Variants in CHST15 observed in about 807,000 individuals in gnomAD.
The protein encoded by CHST15 is B cell RAG associated protein (GALNAC4S-6ST).
CHST15 carries 30 observed loss-of-function variants against 53.6 expected under a neutral mutation model. The observed-to-expected ratio is 0.56, with a 90% CI of 0.42 to 0.76. The LOEUF (loss-of-function observed/expected upper bound fraction) is 0.76, where lower values mean the gene tolerates loss of function less well. Ranked by LOEUF, CHST15 falls within the 30% of genes least tolerant of loss-of-function variation. CHST15 has a pLI of 0.00. For synonymous variants in CHST15, 296 were observed against 289.8 expected, an observed-to-expected ratio of 1.02 and a Z score of -0.22; for missense variants, 627 against 740.5, an observed-to-expected ratio of 0.85 and a Z score of 1.78.
intron 5 of CHST15, among the ~76,000 whole-genome samples, chr10:124,032,964 TC>T (rs1947284447): frequency 6.6e-6 from 1 of 152,066 alleles, no homozygotes; most frequent in Non-Finnish European, 1.5e-5. Context: ...AAGTGGTATT[TC>T]CCCTCTCCAA....
In CHST15 at chr10:124,024,245, A is replaced by G. The variant is rs1480517488; in HGVS notation, c.1191-2833T>C. Among the ~76,000 whole-genome samples the G allele has an allele frequency of 6.6e-6, 1 of 152,168 alleles. No homozygotes were observed. Among genetic ancestry groups the G allele is most frequent in the Non-Finnish European group, 1.5e-5 (1 of 68,028 alleles). ...GGTCTGTTGCAAATGCGCCTTCTCC[A>G]CTGCCCTCCCCTCTAATTGAGGTCA... is the stretch of plus-strand genomic sequence containing the variant. On this transcript the variant is annotated intron_variant, in intron 5 of 7. Transcript: ENST00000435907. The surrounding 1 kb of genome is among the most constrained non-coding windows in gnomAD (Gnocchi z 4.0).
chr10:124,009,276 C>T lies in CHST15; in HGVS notation c.*873G>A. 3 of 1,095,774 alleles carry T rather than the reference C, an allele frequency of 2.7e-6. No homozygotes were observed. The highest frequency in any genetic ancestry group is 3.4e-6 in the Non-Finnish European group (3 of 889,614). The allele number at this position is 1,095,774 out of a possible 1,614,324, so 67.9% of individuals were successfully genotyped here. ...ATTCTGGCATTAACAGCAAAAATTT[C>T]TCTTCCAATTATAAACTGAAGTTCT... On this transcript the variant is annotated 3_prime_UTR_variant, in exon 8 of 8. Coordinates refer to ENST00000435907, the MANE Select transcript of CHST15 (RefSeq NM_001270764.2).
intron 5 of CHST15, among the ~76,000 whole-genome samples, chr10:124,028,215 T>C (rs549481490): frequency 6.6e-6 from 1 of 152,328 alleles, no homozygotes; most frequent in East Asian, 1.9e-4. Context: ...CAGGCATCTA[T>C]CATGAAGCCG....
chr10:124,013,611 T>C (rs764467958), intron 6 of CHST15, among the ~76,000 whole-genome samples: 2 of 152,190 alleles, frequency 1.3e-5, no homozygotes, highest in African/African-American at 2.4e-5. Context: ...AACCTGAAGG[T>C]GGGTTGGAGA....
Position 124,057,045 on chromosome 10 carries a change from A to G in CHST15, c.-512-10321T>C, listed in dbSNP as rs554323618. Among the ~76,000 whole-genome samples the G allele has an allele frequency of 4.6e-5, 7 of 152,286 alleles. No homozygotes were observed. The East Asian group carries it at 1.4e-3, about 29-fold the overall frequency. ...CTTCCATGATAATTTGCATTTTAAAACTTCAGAGCAGCAAAGGAGGGACCT... is the reference window on the plus strand; with the variant it reads ...CTTCCATGATAATTTGCATTTTAAAGCTTCAGAGCAGCAAAGGAGGGACCT... On this transcript the variant is annotated intron_variant, in intron 1 of 7. Coordinates refer to ENST00000435907, the MANE Select transcript of CHST15 (RefSeq NM_001270764.2).
rs1014009881 is a variant in CHST15 at position 124,008,011 on chromosome 10, C to G, written c.*2138G>C. 14 of 1,231,922 alleles carry G rather than the reference C, an allele frequency of 1.1e-5. No homozygotes were observed. Among genetic ancestry groups the G allele is most frequent in the Non-Finnish European group, 1.4e-5 (14 of 987,978 alleles). The allele number at this position is 1,231,922 out of a possible 1,614,324, so 76.3% of individuals were successfully genotyped here. On this transcript the variant is annotated 3_prime_UTR_variant, in exon 8 of 8. Coordinates refer to ENST00000435907, the MANE Select transcript of CHST15 (RefSeq NM_001270764.2). ...GAGAAAGGCCCCTGGAGGGAAAAAC[C>G]ATGTCTGGATGGCATTGAGTGGCAC...
Position 124,042,581 on chromosome 10 carries a change from G to C in CHST15, c.887-134C>G, listed in dbSNP as rs190082265. The C allele has an allele frequency of 1.4e-5, 14 of 983,066 alleles. No individual in the cohort carries two copies. The African/African-American group carries it at 2.1e-4, about 15-fold the overall frequency. The allele number at this position is 983,066 out of a possible 1,614,324, so 60.9% of individuals were successfully genotyped here. ...GACAGCAGCAAGAGGCTCAGCCCAGGTAAGCTTCAGAAAGGGCTGCTGGGG... is the reference window on the plus strand; with the variant it reads ...GACAGCAGCAAGAGGCTCAGCCCAGCTAAGCTTCAGAAAGGGCTGCTGGGG... On this transcript the variant is annotated intron_variant, in intron 3 of 7. Coordinates refer to ENST00000435907, the MANE Select transcript of CHST15 (RefSeq NM_001270764.2).
intron 6 of CHST15, among the ~76,000 whole-genome samples, chr10:124,013,735 C>A (rs1262187106): frequency 4.6e-5 from 7 of 152,214 alleles, no homozygotes; most frequent in Admixed American, 4.6e-4. Context: ...AAAAAAACAG[C>A]CTCATCCCCT....
At chr10:124,033,617 C>T (rs987305257) in intron 5 of CHST15, among the ~76,000 whole-genome samples, 15 of 152,342 alleles carry the variant, frequency 9.8e-5, no homozygotes, top group Admixed American at 3.9e-4. Context: ...TGCTAGCAGA[C>T]GCTCTAGCTT....
Position 124,038,671 on chromosome 10 carries a change from C to G in CHST15, c.1034G>C (p.Gly345Ala). ...CCACATCGTGGAGGCACTGGCCTCC[C>G]CTGGAAACAGAAAACACTCCAAGTG... ...EQSKMNTIII[G>A]EASASTMWDN... The change falls in exon 5 of 8, where the codon GGG (glycine) becomes GCG (alanine). Residue 345 changes from glycine (G) to alanine (A), a missense_variant and splice_region_variant. Physicochemically the swap from Gly to Ala is moderately conservative, Grantham distance 60 (BLOSUM62 0). Around this residue, in one of 3 missense-constraint regions of CHST15, gnomAD observed 279 missense variants for 371.6 expected, o/e 0.75. Transcript: ENST00000435907. 1 of 1,613,846 alleles carries G rather than the reference C, an allele frequency of 6.2e-7. No individual in the cohort carries two copies.
chr10:124,090,360 T>TG (rs1949568057), intron 1 of CHST15, among the ~76,000 whole-genome samples: 1 of 152,220 alleles, frequency 6.6e-6, no homozygotes, highest in African/African-American at 2.4e-5. Context: ...AGGACAGCCC[T>TG]GGGGTCTCCC....
chr10:124,055,790 C>G (rs904015454), intron 1 of CHST15, among the ~76,000 whole-genome samples: 1 of 152,180 alleles, frequency 6.6e-6, no homozygotes, highest in Admixed American at 6.5e-5. Flanking sequence ...CGCACCCATC[C>G]CCAAAGATCC....
At chr10:124,040,668 C>T (rs1425996652) in intron 4 of CHST15, among the ~76,000 whole-genome samples, 1 of 152,208 alleles carries the variant, frequency 6.6e-6, no homozygotes, top group African/African-American at 2.4e-5. Context: ...CTGACCTGGT[C>T]CAACAATCCC....
Position 124,010,185 on chromosome 10 carries a change from G to C in CHST15, c.1650C>G (p.Val550=), listed in dbSNP as rs778807948. ...TCCACGCAAACGCCTCATCCGCGAG[G>C]ACCTGCGCCAGCCTAGCGTTGAAGG... ...YRPFNARLAQ[V]LADEAFAWKT... The change falls in exon 8 of 8, where the codon GTC becomes GTG. Residue 550 remains valine, a synonymous_variant. Transcript: ENST00000435907. The C allele has an allele frequency of 6.2e-7, 1 of 1,613,740 alleles. No individual in the cohort carries two copies. The highest frequency in any genetic ancestry group is 8.5e-7 in the Non-Finnish European group (1 of 1,180,050).
At chr10:124,086,265 C>T (rs867436945) in intron 1 of CHST15, among the ~76,000 whole-genome samples, 11 of 152,318 alleles carry the variant, frequency 7.2e-5, no homozygotes, top group Middle Eastern at 3.4e-3. Context: ...TAACAGATGC[C>T]ATTGACCACC....
rs151062806 is a variant in CHST15, at chr10:124,057,616, C to T, written c.-512-10892G>A. ...GAGGCTCCAGAAAAATGCCCACATT[C>T]GGGACTGTATATCCCATTTCAAGGA... On this transcript the variant is annotated intron_variant, in intron 1 of 7. Coordinates refer to ENST00000435907, the MANE Select transcript of CHST15 (RefSeq NM_001270764.2). Among the ~76,000 whole-genome samples, 339 of 152,296 alleles carry T rather than the reference C, an allele frequency of 2.2e-3. 3 individuals carry two copies. Among genetic ancestry groups the T allele is most frequent in the African/African-American group, 7.6e-3 (315 of 41,552 alleles).
At chr10:124,038,112 TA>T (rs61552962) in intron 5 of CHST15, among the ~76,000 whole-genome samples, 35,737 of 145,582 alleles carry the variant, frequency 0.25, 5,006 homozygotes, top group East Asian at 0.5. Flanking sequence ...TATTTTATTT[TA>T]TTTTTTTTTT....
At chr10:124,056,377 G>T (rs1389355543) in intron 1 of CHST15, among the ~76,000 whole-genome samples, 1 of 152,164 alleles carries the variant, frequency 6.6e-6, no homozygotes, top group East Asian at 1.9e-4. Context: ...TGCCCTGTCG[G>T]CCTGGGGCAT....
intron 1 of CHST15, among the ~76,000 whole-genome samples, chr10:124,076,261 C>T (rs1280086116): frequency 6.6e-6 from 1 of 152,228 alleles, no homozygotes; most frequent in African/African-American, 2.4e-5. Flanking sequence ...GTTTTCTCTT[C>T]TCAAAGCTGA....
Sources: gnomAD v4.1 joint callset for allele counts (sites outside exome capture counted in the v4.1 genomes callset) on GRCh38, gnomAD v4.1.1 for gene constraint, gnomAD v4.1.1 regional missense constraint, Gnocchi (gnomAD v3.1) non-coding constraint, MANE v1.5 for transcripts, NCBI Gene and HGNC (gene_info 2026-07-23, HGNC 2026-07-21) for gene names.